The following SEH1L variants were observed in gnomAD, a reference collection of about 807,000 sequenced individuals.
SEH1L encodes the protein SEH1 like nucleoporin, also known as nucleoporin SEH1.
SEH1L carries 18 observed loss-of-function variants against 49.5 expected under a neutral mutation model. The ratio of observed to expected loss-of-function variants is 0.36; its 90% CI spans 0.25 to 0.54. The LOEUF (loss-of-function observed/expected upper bound fraction) is 0.54. Among genes scored for constraint, SEH1L ranks in the 20% least tolerant of loss-of-function variants. SEH1L has a pLI of 0.87. For missense variants in SEH1L, 404 were observed against 528.8 expected (o/e 0.76, Z 2.31); for synonymous variants, 169 against 178.1 (o/e 0.95, Z 0.41).
At chr18:12,958,764 G>C (rs943671343) in intron 3 of SEH1L, among the ~76,000 whole-genome samples, 3 of 152,136 alleles carry the variant, frequency 2.0e-5, no homozygotes, top group Non-Finnish European at 4.4e-5. Context: ...TGGACCCTTG[G>C]GTTGTTTCTA....
rs1242420941 is a variant in SEH1L, at chr18:12,949,453, T to G, written c.111+1221T>G. On this transcript the variant is annotated intron_variant, in intron 1 of 8. Transcript: ENST00000399892. ...AAACTACGTTAACCGTTTTTTTTTT[T>G]TTTTTTTTTTTTTTTTTGAGACGGA... is the stretch of plus-strand genomic sequence containing the variant. 7.6e-5 allele frequency among the ~76,000 whole-genome samples: 9 copies of G among 118,286 alleles called. 1 individual carries two copies. Among genetic ancestry groups the G allele is most frequent in the Admixed American group, 7.5e-4 (9 of 11,948 alleles). 77.6% of individuals were successfully genotyped at this position (118,286 alleles called of 152,430 possible).
intron 4 of SEH1L, 86 bp downstream of exon 4, chr18:12,963,457 C>T: frequency 9.4e-7 from 1 of 1,066,508 alleles, no homozygotes; most frequent in Non-Finnish European, 1.4e-6. Context: ...TTTATTCTCT[C>T]AAAGGTGCTT....
chr18:12,954,482 T>C (rs987257586), intron 2 of SEH1L, among the ~76,000 whole-genome samples: 4 of 152,224 alleles, frequency 2.6e-5, no homozygotes, highest in African/African-American at 9.6e-5. Context: ...TAATTTTTTT[T>C]TGGAGACAAG....
Position 12,951,874 on chromosome 18 carries a change from G to T in SEH1L, c.131G>T (p.Ser44Ile), listed in dbSNP as rs761546237. ...TTATAGGTCTGGGATAAAAGTGAAA[G>T]TGGTGATTGGCATTGTACTGCTAGC... is the stretch of plus-strand genomic sequence containing the variant. ...QSVKVWDKSE[S>I]GDWHCTASWK... is the part of the protein sequence containing the mutation. Residue 44 changes from serine to isoleucine, a missense_variant, in exon 2 of 9, where the codon AGT becomes ATT. Ser to Ile is a moderately radical substitution (Grantham distance 142). Transcript: ENST00000399892. The T allele has an allele frequency of 7.0e-6, 11 of 1,577,590 alleles. No individual in the cohort carries two copies. The East Asian group carries it at 2.5e-4, about 36-fold the overall frequency.
At chr18:12,967,413 C>G (rs2031499209) in intron 4 of SEH1L, among the ~76,000 whole-genome samples, 1 of 152,214 alleles carries the variant, frequency 6.6e-6, no homozygotes, top group African/African-American at 2.4e-5. Context: ...CACCAGACAG[C>G]ACTTCAGCAG....
rs1489629971 is a variant in SEH1L at position 12,984,023 on chromosome 18, G to A, written c.920-17G>A. The A allele has an allele frequency of 1.2e-6, 2 of 1,604,802 alleles. No homozygotes were observed. The highest frequency in any genetic ancestry group is 1.7e-6 in the Non-Finnish European group (2 of 1,172,152). ...TGGTATTAATCATGTTAATGTATTT[G>A]ATTATTTTCCTTTCAGCTAATTATA... is the stretch of plus-strand genomic sequence containing the variant. On this transcript the variant is annotated splice_polypyrimidine_tract_variant and intron_variant, in intron 7 of 8. Transcript: ENST00000399892.
chr18:12,963,129 A>G, intron 3 of SEH1L, 31 bp from the exon 4 acceptor site: 1 of 1,493,922 alleles, frequency 6.7e-7, no homozygotes, highest in East Asian at 2.4e-5. Context: ...CTTTTTGTAT[A>G]TAATTTAAAT....
chr18:12,958,179 G>C (rs1016623506), intron 3 of SEH1L, among the ~76,000 whole-genome samples: 2 of 136,918 alleles, frequency 1.5e-5, no homozygotes, highest in Non-Finnish European at 3.0e-5. Flanking sequence ...CGCCTCCGGG[G>C]TTCAAGCGAT....
intron 3 of SEH1L, 52 bp downstream of exon 3, chr18:12,955,661 A>G: frequency 6.3e-7 from 1 of 1,584,862 alleles, no homozygotes; most frequent in Non-Finnish European, 8.6e-7. Flanking sequence ...GCAGCCAAGG[A>G]GCATTCATCC....
intron 8 of SEH1L, chr18:12,985,946 A>G (rs908689927): frequency 3.3e-6 from 3 of 909,298 alleles, no homozygotes; most frequent in Non-Finnish European, 3.9e-6. Flanking sequence ...CACTTTTTTT[A>G]TAAGTTTTTA....
At chr18:12,954,270 G>A (rs1038890779) in intron 2 of SEH1L, among the ~76,000 whole-genome samples, 5 of 152,170 alleles carry the variant, frequency 3.3e-5, no homozygotes, top group Admixed American at 3.3e-4. Context: ...TTTTGATGGT[G>A]AAATTCTTTA....
chr18:12,970,519 C>T (rs1429177251), intron 4 of SEH1L, among the ~76,000 whole-genome samples: 1 of 152,188 alleles, frequency 6.6e-6, no homozygotes, highest in Non-Finnish European at 1.5e-5. Context: ...CTCCTGGGCG[C>T]AAGTGATCCT....
intron 2 of SEH1L, among the ~76,000 whole-genome samples, chr18:12,953,029 G>A (rs552133272): frequency 6.6e-6 from 1 of 152,066 alleles, no homozygotes; most frequent in African/African-American, 2.4e-5. Flanking sequence ...TGATCCGCCC[G>A]CCTTGGCCTT....
rs1568216357 is a variant in SEH1L, at chr18:12,963,376, G to A, written c.521+5G>A. 1.2e-6 allele frequency: 2 copies of A among 1,606,598 alleles called. No individual in the cohort carries two copies. The highest frequency in any genetic ancestry group is 1.7e-5 in the Admixed American group (1 of 59,954). ...TATTTCTTGGAACCCTTCAAGGTAA[G>A]TTTACATATTAAACCTCTGATAACA... On this transcript the variant is annotated splice_donor_5th_base_variant and intron_variant, in intron 4 of 8. Coordinates refer to ENST00000399892, the MANE Select transcript of SEH1L (RefSeq NM_001013437.2).
rs1174966245 is a variant in SEH1L at position 12,978,687 on chromosome 18, C to A, written c.621-65C>A. 7 of 1,338,980 alleles carry A rather than the reference C, an allele frequency of 5.2e-6. No individual in the cohort carries two copies. The African/African-American group carries it at 1.0e-4, about 19-fold the overall frequency. 82.9% of individuals were successfully genotyped at this position (1,338,980 alleles called of 1,614,324 possible). ...AGCAGTGTGAAAAAAAGGTGAGATG[C>A]AGTGATGTGTGGATTTTTGCACATT... On this transcript the variant is annotated intron_variant, in intron 5 of 8. Coordinates refer to ENST00000399892, the MANE Select transcript of SEH1L (RefSeq NM_001013437.2).
chr18:12,956,559 A>G (rs918731055), intron 3 of SEH1L, among the ~76,000 whole-genome samples: 1 of 148,158 alleles, frequency 6.7e-6, no homozygotes, highest in Admixed American at 6.8e-5. Context: ...AGGAAACAGA[A>G]TATAGTTTTA....
At chr18:12,976,191 C>T (rs1286910223) in intron 5 of SEH1L, 1 of 152,256 alleles carries the variant, frequency 6.6e-6, no homozygotes, top group East Asian at 1.9e-4. Flanking sequence ...GTTGGCAGCA[C>T]TCGTGTTCCT....
intron 2 of SEH1L, among the ~76,000 whole-genome samples, chr18:12,953,324 T>C (rs1465128139): frequency 6.6e-6 from 1 of 152,200 alleles, no homozygotes; most frequent in Admixed American, 6.5e-5. Context: ...GAACGTGCCA[T>C]GTAAGTCTGT....
chr18:12,980,192 CGG>C (rs2032138319), intron 6 of SEH1L, among the ~76,000 whole-genome samples: 4 of 131,860 alleles, frequency 3.0e-5, no homozygotes, highest in Non-Finnish European at 6.6e-5. Context: ...CCGGATGGGG[CGG>C]CTGGCCGGGC....
Sources: allele counts gnomAD v4.1 joint callset (sites outside exome capture counted in the v4.1 genomes callset), GRCh38; gene constraint gnomAD v4.1.1; transcripts MANE v1.5; gene names NCBI Gene and HGNC (gene_info 2026-07-23, HGNC 2026-07-21).